PPARGC1A: variants seen among roughly 807,000 people sequenced by gnomAD.
PPARGC1A encodes PPARG coactivator 1 alpha, also known as peroxisome proliferator-activated receptor gamma coactivator 1-alpha.
Under a neutral mutation model 88.7 loss-of-function variants are expected in PPARGC1A, and 25 were observed. The observed-to-expected ratio is 0.28, with a 90% CI of 0.21 to 0.39. The LOEUF (loss-of-function observed/expected upper bound fraction) is 0.39, where lower values mean the gene tolerates loss of function less well. PPARGC1A is among the 10% of genes least tolerant of loss of function. PPARGC1A has a pLI of 1.00. For missense variants in PPARGC1A, 880 were observed against 968.7 expected (o/e 0.91, Z 1.22); for synonymous variants, 363 against 355.6 (o/e 1.02, Z -0.24).
chr4:24,400,180 G>T, the PPARGC1A span, among the ~76,000 whole-genome samples: 6 of 152,288 alleles, frequency 3.9e-5, no homozygotes, highest in South Asian at 1.2e-3. Flanking sequence ...CAACTTGATT[G>T]GATTGGGGGA....
At chr4:23,893,459 G>T (rs540269820), upstream of PPARGC1A, among the ~76,000 whole-genome samples, 10 of 152,164 alleles carry the variant, frequency 6.6e-5, no homozygotes, top group South Asian at 2.1e-3. Context: ...AAATATATTT[G>T]TTCATTTGTT....
At chr4:24,365,202 G>A in the PPARGC1A span, among the ~76,000 whole-genome samples, 1 of 151,398 alleles carries the variant, frequency 6.6e-6, no homozygotes, top group Admixed American at 6.6e-5. Context: ...GTTGCAATGG[G>A]ACTTTGAAAG....
At chr4:24,421,486 C>T in the PPARGC1A span, among the ~76,000 whole-genome samples, 4 of 151,968 alleles carry the variant, frequency 2.6e-5, no homozygotes, top group Non-Finnish European at 5.9e-5. Context: ...AATTTTTTTG[C>T]ATTTTTAGTA....
the PPARGC1A span, among the ~76,000 whole-genome samples, chr4:24,286,267 G>T: frequency 9.9e-5 from 15 of 152,080 alleles, no homozygotes; most frequent in Non-Finnish European, 1.5e-4. Context: ...AAAGCTACAG[G>T]CTTCTACTCA....
At chr4:24,011,473 C>T in the PPARGC1A span, among the ~76,000 whole-genome samples, 3 of 152,188 alleles carry the variant, frequency 2.0e-5, no homozygotes, top group Non-Finnish European at 4.4e-5. Flanking sequence ...ATAAACAAGA[C>T]CATTTGAACC....
the PPARGC1A span, among the ~76,000 whole-genome samples, chr4:24,309,974 C>A: frequency 6.6e-6 from 1 of 151,932 alleles, no homozygotes; most frequent in Non-Finnish European, 1.5e-5. Flanking sequence ...GGTCAAATAG[C>A]GAAAATTAGT....
At chr4:24,241,237 C>T in the PPARGC1A span, among the ~76,000 whole-genome samples, 1 of 150,584 alleles carries the variant, frequency 6.6e-6, no homozygotes, top group African/African-American at 2.4e-5. Context: ...TAGTAAAAAG[C>T]AAAACAAACA....
upstream of PPARGC1A, among the ~76,000 whole-genome samples, chr4:23,905,160 CA>C (rs1719890176): frequency 6.6e-6 from 1 of 152,134 alleles, no homozygotes; most frequent in Non-Finnish European, 1.5e-5. Context: ...AAATTCTGGC[CA>C]TAACTATTGA....
chr4:24,108,913 A>G, the PPARGC1A span, among the ~76,000 whole-genome samples: 1 of 152,076 alleles, frequency 6.6e-6, no homozygotes, highest in Non-Finnish European at 1.5e-5. Flanking sequence ...AAAATACTGG[A>G]AAGAATTAGA....
chr4:23,840,644 T>C (rs970903487), intron 2 of PPARGC1A, among the ~76,000 whole-genome samples: 2 of 152,144 alleles, frequency 1.3e-5, no homozygotes. Context: ...TCATGAACTA[T>C]CTAAAAGGGG....
the PPARGC1A span, among the ~76,000 whole-genome samples, chr4:23,943,037 T>C: frequency 1.3e-5 from 2 of 152,238 alleles, no homozygotes; most frequent in Non-Finnish European, 1.5e-5. Flanking sequence ...GCTTTTTTTA[T>C]GTTGCCTTCA....
the PPARGC1A span, among the ~76,000 whole-genome samples, chr4:24,158,132 C>T: frequency 6.7e-6 from 1 of 150,210 alleles, no homozygotes; most frequent in African/African-American, 2.5e-5. Context: ...CCCATCTCTA[C>T]TTTGTGAGAG....
intron 12 of PPARGC1A, 111 bp downstream of exon 12, chr4:23,801,619 C>T (rs1718757798): frequency 8.4e-7 from 1 of 1,195,214 alleles, no homozygotes; most frequent in African/African-American, 1.5e-5. Context: ...CAAACATTCC[C>T]TTTAGTAAAA....
the PPARGC1A span, among the ~76,000 whole-genome samples, chr4:24,189,563 C>G: frequency 2.6e-5 from 4 of 152,262 alleles, no homozygotes; most frequent in East Asian, 7.7e-4. Flanking sequence ...TTCCAGGAAG[C>G]CTTCCCTAAT....
At chr4:23,951,104 A>C in the PPARGC1A span, among the ~76,000 whole-genome samples, 1 of 152,160 alleles carries the variant, frequency 6.6e-6, no homozygotes, top group Admixed American at 6.6e-5. Context: ...ACTAATAAGA[A>C]TTAGACCCTC....
the PPARGC1A span, among the ~76,000 whole-genome samples, chr4:24,159,318 C>T: frequency 7.0e-6 from 1 of 142,114 alleles, no homozygotes; most frequent in Non-Finnish European, 1.5e-5. Context: ...TCAAGCAGTT[C>T]TCCTCCCTCG....
chr4:24,218,799 G>C, the PPARGC1A span, among the ~76,000 whole-genome samples: 1 of 152,202 alleles, frequency 6.6e-6, no homozygotes, highest in Non-Finnish European at 1.5e-5. Flanking sequence ...GAGATGATCA[G>C]TGCTCAAGCA....
the PPARGC1A span, among the ~76,000 whole-genome samples, chr4:24,294,910 A>G: frequency 5.3e-5 from 8 of 152,328 alleles, no homozygotes; most frequent in South Asian, 1.0e-3. Context: ...GCAATAACCC[A>G]GCACAGCTAG....
At chr4:23,985,614 AC>A in the PPARGC1A span, among the ~76,000 whole-genome samples, 6 of 45,452 alleles carry the variant, frequency 1.3e-4, 1 homozygote, top group African/African-American at 4.9e-4. Context: ...TTGACCAATT[AC>A]TTATCTAAAC....
Sources: allele counts gnomAD v4.1 joint callset (sites outside exome capture counted in the v4.1 genomes callset), GRCh38; gene constraint gnomAD v4.1.1; transcripts MANE v1.5; gene names NCBI Gene and HGNC (gene_info 2026-07-23, HGNC 2026-07-21).